TMEM108: variants seen among roughly 807,000 people sequenced by gnomAD.
TMEM108 encodes the protein cancer/testis antigen 124.
A neutral mutation model predicts 35.1 loss-of-function variants in TMEM108; 12 were observed. The observed-to-expected ratio is 0.34, with a 90% CI of 0.22 to 0.55. The LOEUF (loss-of-function observed/expected upper bound fraction) is 0.55, where lower values mean the gene tolerates loss of function less well. Among genes scored for constraint, TMEM108 ranks in the 20% least tolerant of loss-of-function variants. The probability of loss-of-function intolerance (pLI) is 0.89; values close to 1 mark genes in which losing one functional copy is unlikely to be tolerated. For synonymous variants in TMEM108, 287 were observed against 308.6 expected (o/e 0.93, Z 0.73); for missense variants, 680 against 753.3 (o/e 0.90, Z 1.14).
chr3:133,225,250 G>T (rs1039753243), intron 2 of TMEM108, among the ~76,000 whole-genome samples: 5 of 152,154 alleles, frequency 3.3e-5, no homozygotes, highest in Non-Finnish European at 7.4e-5. Context: ...GTTTCATCGT[G>T]TTAGCCAGGA....
intron 3 of TMEM108, among the ~76,000 whole-genome samples, chr3:133,316,997 T>C (rs2071207945): frequency 6.6e-6 from 1 of 152,208 alleles, no homozygotes; most frequent in Non-Finnish European, 1.5e-5. Context: ...TCTTTTAGCA[T>C]AAAAGAACGC....
intron 4 of TMEM108, chr3:133,388,116 C>T (rs149514811): frequency 1.6e-4 from 162 of 985,470 alleles, no homozygotes; most frequent in Non-Finnish European, 1.8e-4. Context: ...AGCTCTAACT[C>T]TACCAAAACT....
chr3:133,066,801 A>T (rs893036488), intron 2 of TMEM108, among the ~76,000 whole-genome samples: 3 of 152,188 alleles, frequency 2.0e-5, no homozygotes, highest in Non-Finnish European at 4.4e-5. Flanking sequence ...TACCAATTGC[A>T]TTCCCTCCCT....
rs114404936 is a variant in TMEM108 at position 133,356,362 on chromosome 3, G to T, written c.41-23390G>T. Reference sequence around the variant, plus strand: ...GGATTCACATCCCATGCTCATAGATGGGAAGAATCAATATTGTGAAAATGA... The same window carrying T: ...GGATTCACATCCCATGCTCATAGATTGGAAGAATCAATATTGTGAAAATGA... On this transcript the variant is annotated intron_variant, in intron 3 of 5. Coordinates refer to ENST00000321871, the MANE Select transcript of TMEM108 (RefSeq NM_023943.4). 3.8e-3 allele frequency among the ~76,000 whole-genome samples: 579 copies of T among 152,148 alleles called. 4 individuals carry two copies. The highest frequency in any genetic ancestry group is 0.013 in the African/African-American group (529 of 41,538).
chr3:133,373,140 G>T (rs930848929), intron 3 of TMEM108, among the ~76,000 whole-genome samples: 1 of 152,128 alleles, frequency 6.6e-6, no homozygotes, highest in Non-Finnish European at 1.5e-5. Context: ...GCCAAGGCAG[G>T]CAGATTGCTT....
intron 3 of TMEM108, among the ~76,000 whole-genome samples, chr3:133,281,983 C>T (rs1946920228): frequency 6.6e-6 from 1 of 152,084 alleles, no homozygotes; most frequent in Non-Finnish European, 1.5e-5. Flanking sequence ...CGGTGAAACT[C>T]CGTCTCTACT....
intron 1 of TMEM108, among the ~76,000 whole-genome samples, chr3:133,040,579 C>T (rs1260321921): frequency 1.3e-5 from 2 of 152,008 alleles, no homozygotes; most frequent in African/African-American, 2.4e-5. Context: ...GCATAGTATA[C>T]ACTTTTATTT....
chr3:133,375,817 A>G (rs997610662), intron 3 of TMEM108, among the ~76,000 whole-genome samples: 1 of 152,220 alleles, frequency 6.6e-6, no homozygotes, highest in Non-Finnish European at 1.5e-5. Flanking sequence ...CCAACCAGCA[A>G]TGTGTTCTTG....
At position 133,224,895 on chromosome 3, in the gene TMEM108, T is replaced by G. The variant is rs912996605; in HGVS notation, c.-46-4371T>G. On this transcript the variant is annotated intron_variant, in intron 2 of 5. Transcript: ENST00000321871. ...TGTGGGGAATTTCTCACTTTATCCTTCATCCTTAGGTCCCACCTGCTACCA... is the reference window on the plus strand; with the variant it reads ...TGTGGGGAATTTCTCACTTTATCCTGCATCCTTAGGTCCCACCTGCTACCA... Among the ~76,000 whole-genome samples, 30 of 152,102 alleles carry G rather than the reference T, an allele frequency of 2.0e-4. 1 individual carries two copies. The highest frequency in any genetic ancestry group is 6.5e-5 in the Admixed American group (1 of 15,268).
chr3:133,272,227 G>A (rs1308834014), intron 3 of TMEM108, among the ~76,000 whole-genome samples: 1 of 151,340 alleles, frequency 6.6e-6, no homozygotes, highest in Non-Finnish European at 1.5e-5. Flanking sequence ...GGGGTATGTG[G>A]AGTATCTTGC....
At chr3:133,321,728 T>G (rs1303373076) in intron 3 of TMEM108, among the ~76,000 whole-genome samples, 3 of 152,176 alleles carry the variant, frequency 2.0e-5, no homozygotes, top group Non-Finnish European at 4.4e-5. Context: ...AGAATATACA[T>G]TCTTTTCATC....
At chr3:133,309,918 T>G (rs2071101265) in intron 3 of TMEM108, among the ~76,000 whole-genome samples, 1 of 152,102 alleles carries the variant, frequency 6.6e-6, no homozygotes, top group South Asian at 2.1e-4. Flanking sequence ...GCCGGGATGG[T>G]CTCGATCTCC....
At position 133,076,013 on chromosome 3, in the gene TMEM108, CA is replaced by C. The variant is rs1943738385; in HGVS notation, c.-47+29997del. ...GTGGTATCTGGAGACCACCAAGGTCCAAAAGAAGGAGGAGATGATCCACAAA... is the reference window on the plus strand; with the variant it reads ...GTGGTATCTGGAGACCACCAAGGTCCAAAGAAGGAGGAGATGATCCACAAA... On this transcript the variant is annotated intron_variant, in intron 2 of 5. Coordinates refer to ENST00000321871, the MANE Select transcript of TMEM108 (RefSeq NM_023943.4). Among the ~76,000 whole-genome samples, 2 of 151,918 alleles carry C rather than the reference CA, an allele frequency of 1.3e-5. 1 individual carries two copies. Among genetic ancestry groups the C allele is most frequent in the South Asian group, 4.2e-4 (2 of 4,808 alleles).
At chr3:133,062,205 A>G (rs1337776673) in intron 2 of TMEM108, among the ~76,000 whole-genome samples, 1 of 152,236 alleles carries the variant, frequency 6.6e-6, no homozygotes, top group Non-Finnish European at 1.5e-5. Context: ...CTTTAGCAGC[A>G]TCATATTAGT....
At chr3:133,318,845 A>T (rs537550977) in intron 3 of TMEM108, among the ~76,000 whole-genome samples, 1 of 150,914 alleles carries the variant, frequency 6.6e-6, no homozygotes, top group Admixed American at 6.6e-5. Flanking sequence ...TCCAGGAACC[A>T]CTGCAGGAGC....
At chr3:133,379,115 G>A (rs2072927236) in intron 3 of TMEM108, among the ~76,000 whole-genome samples, 1 of 152,196 alleles carries the variant, frequency 6.6e-6, no homozygotes, top group African/African-American at 2.4e-5. Flanking sequence ...CTTATCCAGG[G>A]CCAGAGACTG....
At chr3:133,375,442 A>G (rs1015495923) in intron 3 of TMEM108, among the ~76,000 whole-genome samples, 20 of 152,216 alleles carry the variant, frequency 1.3e-4, no homozygotes, top group African/African-American at 3.9e-4. Context: ...TCTCTACTAC[A>G]TATTTGGAAT....
At chr3:133,038,893 G>A (rs1943239206) in intron 1 of TMEM108, among the ~76,000 whole-genome samples, 1 of 152,206 alleles carries the variant, frequency 6.6e-6, no homozygotes, top group Non-Finnish European at 1.5e-5. Context: ...TAATCCTGCG[G>A]CCGCGAGCGG....
chr3:133,047,352 A>G (rs753421272), intron 2 of TMEM108, among the ~76,000 whole-genome samples: 4 of 152,246 alleles, frequency 2.6e-5, no homozygotes, highest in Non-Finnish European at 4.4e-5. Context: ...ACTAAAAAGT[A>G]TAGCATGTCA....
Sources: gnomAD v4.1 joint callset for allele counts (sites outside exome capture counted in the v4.1 genomes callset) on GRCh38, gnomAD v4.1.1 for gene constraint, MANE v1.5 for transcripts, NCBI Gene and HGNC (gene_info 2026-07-23, HGNC 2026-07-21) for gene names.